Variants in PRKN observed in about 807,000 individuals in gnomAD.
The protein encoded by PRKN is parkin RBR E3 ubiquitin protein ligase, also known as E3 ubiquitin-protein ligase parkin.
In PRKN, 56 loss-of-function variants were observed where a neutral mutation model predicts 59.5. The observed-to-expected ratio is 0.94, with a 90% CI of 0.76 to 1.18. The LOEUF is 1.18. PRKN is among the 50% of genes most tolerant of loss of function. PRKN has a pLI of 0.00. For missense variants in PRKN, 657 were observed against 596.4 expected (o/e 1.10, Z -1.06); for synonymous variants, 250 against 222.1 (o/e 1.13, Z -1.12).
intron 10 of PRKN, among the ~76,000 whole-genome samples, chr6:161,382,944 C>T (rs1228818860): frequency 5.3e-5 from 8 of 152,068 alleles, no homozygotes; most frequent in African/African-American, 1.7e-4. Context: ...ACAGCAGAAA[C>T]GAGTCACAAA....
At position 162,147,026 on chromosome 6, in the gene PRKN, C is replaced by T. The variant is rs919261107; in HGVS notation, c.534+54105G>A. Among the ~76,000 whole-genome samples, 14 of 150,818 alleles carry T rather than the reference C, an allele frequency of 9.3e-5. 1 individual carries two copies. In the South Asian group the frequency reaches 2.1e-3, roughly 23 times the overall value. ...GATTACAGGCCTGAGCTACCGTGCCCGGCCTTTTTTTATTTTGTCTAAAAA... is the reference window on the plus strand; with the variant it reads ...GATTACAGGCCTGAGCTACCGTGCCTGGCCTTTTTTTATTTTGTCTAAAAA... On this transcript the variant is annotated intron_variant, in intron 4 of 11. Coordinates refer to ENST00000366898, the MANE Select transcript of PRKN (RefSeq NM_004562.3).
In PRKN at chr6:161,376,835, G is replaced by T. The variant is rs1168839987; in HGVS notation, c.1167+9959C>A. 1.3e-5 allele frequency among the ~76,000 whole-genome samples: 2 copies of T among 152,206 alleles called. No homozygotes were observed. The highest frequency in any genetic ancestry group is 4.8e-5 in the African/African-American group (2 of 41,438). ...GAGCACCCCAAGACACTCCCTGCCT[G>T]CAAGTCTCAGAGCCTGTTCTCCTGG... is the stretch of plus-strand genomic sequence containing the variant. On this transcript the variant is annotated intron_variant, in intron 10 of 11. Coordinates refer to ENST00000366898, the MANE Select transcript of PRKN (RefSeq NM_004562.3). This position sits in a 1 kb window ranked among gnomAD's most constrained non-coding sequence, Gnocchi z 7.3.
intron 2 of PRKN, among the ~76,000 whole-genome samples, chr6:162,294,383 T>C (rs1334706271): frequency 6.6e-6 from 1 of 152,092 alleles, no homozygotes; most frequent in African/African-American, 2.4e-5. Context: ...AAGCAGAGAC[T>C]CTAATTAAAC....
chr6:162,231,383 T>C (rs1185118352), intron 3 of PRKN, among the ~76,000 whole-genome samples: 5 of 152,250 alleles, frequency 3.3e-5, no homozygotes, highest in African/African-American at 1.2e-4. Context: ...AGTTCAGTTA[T>C]GCCTAAATAG....
intron 7 of PRKN, among the ~76,000 whole-genome samples, chr6:161,681,457 T>G (rs898049743): frequency 5.3e-5 from 8 of 152,142 alleles, no homozygotes; most frequent in African/African-American, 1.7e-4. Context: ...GTAAATCTTT[T>G]TTTTTTTTCT....
At chr6:162,638,088 A>G (rs1225624403) in intron 1 of PRKN, among the ~76,000 whole-genome samples, 2 of 152,204 alleles carry the variant, frequency 1.3e-5, no homozygotes, top group Admixed American at 1.3e-4. Flanking sequence ...GAAATGCTGA[A>G]ATGTGAAGTT....
At chr6:162,681,730 T>C (rs1779776390) in intron 1 of PRKN, among the ~76,000 whole-genome samples, 1 of 152,152 alleles carries the variant, frequency 6.6e-6, no homozygotes, top group South Asian at 2.1e-4. Flanking sequence ...TGTAACTTCA[T>C]TTCAGCCTCT....
chr6:161,506,028 T>C (rs1393122239), intron 9 of PRKN, among the ~76,000 whole-genome samples: 1 of 151,852 alleles, frequency 6.6e-6, no homozygotes, highest in Non-Finnish European at 1.5e-5. Context: ...TGGTTCCATA[T>C]GAACTTTAAA....
intron 4 of PRKN, among the ~76,000 whole-genome samples, chr6:162,125,428 A>G (rs1339604514): frequency 6.6e-6 from 1 of 152,162 alleles, no homozygotes; most frequent in Non-Finnish European, 1.5e-5. Context: ...TATTATCATC[A>G]TGTCTTCCTT....
At chr6:162,448,165 G>A (rs4708959) in intron 1 of PRKN, among the ~76,000 whole-genome samples, 69,424 of 151,834 alleles carry the variant, frequency 0.46, 16,390 homozygotes, top group East Asian at 0.59. Flanking sequence ...CTGCAGCCCA[G>A]TAAGTATCAG....
chr6:161,756,008 G>C (rs1023042144), intron 7 of PRKN, among the ~76,000 whole-genome samples: 1 of 152,070 alleles, frequency 6.6e-6, no homozygotes, highest in Non-Finnish European at 1.5e-5. Context: ...CAATCAGCTG[G>C]GTTGAAATTG....
intron 1 of PRKN, among the ~76,000 whole-genome samples, chr6:162,695,721 A>T (rs1422873527): frequency 6.6e-6 from 1 of 152,264 alleles, no homozygotes; most frequent in Non-Finnish European, 1.5e-5. Flanking sequence ...TTTGTAATTT[A>T]AGAAATAATT....
At chr6:161,489,955 A>C (rs1242034861) in intron 9 of PRKN, among the ~76,000 whole-genome samples, 1 of 152,210 alleles carries the variant, frequency 6.6e-6, no homozygotes, top group Non-Finnish European at 1.5e-5. Context: ...AATTACTTTA[A>C]GCTGGGCATC....
chr6:162,073,392 C>A (rs1778667084), intron 4 of PRKN, among the ~76,000 whole-genome samples: 1 of 152,164 alleles, frequency 6.6e-6, no homozygotes, highest in African/African-American at 2.4e-5. Context: ...AACATCTCAG[C>A]TGGTCTTGAA....
chr6:161,394,871 T>C (rs1353050164), intron 9 of PRKN, among the ~76,000 whole-genome samples: 1 of 152,174 alleles, frequency 6.6e-6, no homozygotes, highest in African/African-American at 2.4e-5. Context: ...GACATTTACA[T>C]TTACTTCCTA....
chr6:161,586,381 G>T (rs78581025), intron 7 of PRKN, among the ~76,000 whole-genome samples: 4,312 of 152,144 alleles, frequency 0.028, 156 homozygotes, highest in African/African-American at 0.086. Flanking sequence ...CTTGAGTTTT[G>T]GTTTTCTCCA....
In PRKN at chr6:162,011,012, T is replaced by TATATA. The variant is rs1782606813; in HGVS notation, c.619-37600_619-37596dup. Among the ~76,000 whole-genome samples the TATATA allele has an allele frequency of 1.2e-4, 2 of 16,696 alleles. 1 individual carries two copies. Among genetic ancestry groups the TATATA allele is most frequent in the Non-Finnish European group, 1.6e-4 (2 of 12,540 alleles). The allele number at this position is 16,696 out of a possible 152,430, so 11.0% of individuals were successfully genotyped here. On this transcript the variant is annotated intron_variant, in intron 5 of 11. Transcript: ENST00000366898. ...TATTTATAACATAATATATTTATAA[T>TATATA]ATATATTATAATATATAATTATAAT...
intron 5 of PRKN, among the ~76,000 whole-genome samples, chr6:162,013,986 A>C (rs1410869922): frequency 1.3e-5 from 2 of 152,028 alleles, no homozygotes; most frequent in Non-Finnish European, 2.9e-5. Context: ...TTTAAACATA[A>C]TACATTAACA....
intron 6 of PRKN, among the ~76,000 whole-genome samples, chr6:161,838,166 A>C (rs1279046916): frequency 6.6e-6 from 1 of 152,128 alleles, no homozygotes; most frequent in Non-Finnish European, 1.5e-5. Context: ...ACATACATTG[A>C]CTCATCTGCT....
Sources: gnomAD v4.1 joint callset for allele counts (sites outside exome capture counted in the v4.1 genomes callset) on GRCh38, gnomAD v4.1.1 for gene constraint, Gnocchi (gnomAD v3.1) non-coding constraint, MANE v1.5 for transcripts, NCBI Gene and HGNC (gene_info 2026-07-23, HGNC 2026-07-21) for gene names.